The following CACNA1C variants were observed in gnomAD, a reference collection of about 807,000 sequenced individuals.
CACNA1C encodes calcium voltage-gated channel subunit alpha1 C.
In CACNA1C, 30 loss-of-function variants were observed where a neutral mutation model predicts 229.0. That is an observed-to-expected ratio of 0.13 (90% CI 0.10 to 0.18). The LOEUF (loss-of-function observed/expected upper bound fraction) is 0.18, where lower values mean the gene tolerates loss of function less well. CACNA1C is among the 10% of genes least tolerant of loss of function. The pLI, the probability that CACNA1C is intolerant of heterozygous loss-of-function variation, is 1.00. For missense variants in CACNA1C, 1,658 were observed against 2,845.0 expected, an observed-to-expected ratio of 0.58 and a Z score of 9.49; for synonymous variants, 1,114 against 1,132.5, an observed-to-expected ratio of 0.98 and a Z score of 0.33.
chr12:2,106,212 T>A (rs1230089732), intron 1 of CACNA1C, among the ~76,000 whole-genome samples: 8 of 27,398 alleles, frequency 2.9e-4, no homozygotes, highest in Admixed American at 4.2e-4. Context: ...AGCCACTGGG[T>A]GCCCACCCCG....
chr12:2,504,774 C>T lies in CACNA1C; in HGVS notation c.1114-68C>T. On this transcript the variant is annotated intron_variant, in intron 7 of 46. Coordinates refer to ENST00000399655, the MANE Select transcript of CACNA1C (RefSeq NM_000719.7). This position sits in a 1 kb window ranked among gnomAD's most constrained non-coding sequence, Gnocchi z 6.8. ...GCTGCGTGGGTCAGTGTCTCGGGAGCCGGGGACCGGCACTGGCCGTGCTCG... is the reference window on the plus strand; with the variant it reads ...GCTGCGTGGGTCAGTGTCTCGGGAGTCGGGGACCGGCACTGGCCGTGCTCG... 1 of 994,634 alleles carries T rather than the reference C, an allele frequency of 1.0e-6. No homozygotes were observed. 61.6% of individuals were successfully genotyped at this position (994,634 alleles called of 1,614,324 possible).
chr12:2,649,812 C>G lies in CACNA1C; in HGVS notation c.3945+1305C>G, dbSNP rs887349204. On this transcript the variant is annotated intron_variant, in intron 31 of 46. Transcript: ENST00000399655. This position sits in a 1 kb window ranked among gnomAD's most constrained non-coding sequence, Gnocchi z 4.4. ...GCTTGTTCTTTTTTTTCTCCTTTCT[C>G]GAACACGGTGGAACTGACAGCTGAG... Among the ~76,000 whole-genome samples the G allele has an allele frequency of 1.3e-5, 2 of 151,972 alleles. No homozygotes were observed. Among genetic ancestry groups the G allele is most frequent in the African/African-American group, 4.8e-5 (2 of 41,332 alleles).
At chr12:2,399,344 G>A (rs968848195) in intron 3 of CACNA1C, among the ~76,000 whole-genome samples, 2 of 152,182 alleles carry the variant, frequency 1.3e-5, no homozygotes, top group Non-Finnish European at 2.9e-5. Flanking sequence ...CTTGGTGCCT[G>A]GGTTCTTGTC....
Position 2,635,802 on chromosome 12 carries a change from A to G in CACNA1C, c.3912+1422A>G, listed in dbSNP as rs200596541. ...AACTGTCTTTGTCCGGTGTGTGTGT[A>G]TGTGTATGTGTGTATATGTGAGTGC... On this transcript the variant is annotated intron_variant, in intron 30 of 46. Coordinates refer to ENST00000399655, the MANE Select transcript of CACNA1C (RefSeq NM_000719.7). Among the ~76,000 whole-genome samples, 283 of 151,790 alleles carry G rather than the reference A, an allele frequency of 1.9e-3. 1 individual carries two copies. Among genetic ancestry groups the G allele is most frequent in the African/African-American group, 6.5e-3 (270 of 41,390 alleles).
chr12:2,449,509 A>C (rs540931810), intron 4 of CACNA1C, among the ~76,000 whole-genome samples: 1 of 152,284 alleles, frequency 6.6e-6, no homozygotes, highest in African/African-American at 2.4e-5. Flanking sequence ...TCACCAGTAC[A>C]TCCCTCTTCT....
intron 3 of CACNA1C, among the ~76,000 whole-genome samples, chr12:2,385,396 A>C (rs1009208542): frequency 6.6e-6 from 1 of 151,826 alleles, no homozygotes; most frequent in African/African-American, 2.4e-5. Context: ...TGAGGTGATC[A>C]GAAAACAACT....
chr12:2,352,581 G>C, intron 3 of CACNA1C, among the ~76,000 whole-genome samples: 1 of 151,952 alleles, frequency 6.6e-6, no homozygotes, highest in East Asian at 1.9e-4. Context: ...GCTGAAATTA[G>C]CACTGCATTA....
At chr12:2,214,339 A>G (rs575235255) in intron 3 of CACNA1C, among the ~76,000 whole-genome samples, 5 of 152,288 alleles carry the variant, frequency 3.3e-5, no homozygotes, top group African/African-American at 1.2e-4. Flanking sequence ...TCTCACTTGT[A>G]AATAAGGATA....
Position 2,467,158 on chromosome 12 carries a change from A to G in CACNA1C, c.757+9452A>G, listed in dbSNP as rs2099557753. 6.6e-6 allele frequency among the ~76,000 whole-genome samples: 1 copy of G among 151,784 alleles called. No individual in the cohort carries two copies. The highest frequency in any genetic ancestry group is 6.6e-5 in the Admixed American group (1 of 15,254). ...GCCCATCGGAGATGGTCCCTACAAC[A>G]TCTTCTAAGCCCTTTCCCTCCCACT... On this transcript the variant is annotated intron_variant, in intron 5 of 46. Transcript: ENST00000399655. The surrounding 1 kb of genome is among the most constrained non-coding windows in gnomAD (Gnocchi z 4.6).
intron 9 of CACNA1C, among the ~76,000 whole-genome samples, chr12:2,529,275 G>T (rs749206139): frequency 4.6e-5 from 7 of 152,040 alleles, no homozygotes; most frequent in Admixed American, 1.3e-4. Flanking sequence ...GGTCTTACCC[G>T]CTCCTTCATG....
chr12:2,274,262 C>T (rs113178421), intron 3 of CACNA1C, among the ~76,000 whole-genome samples: 5 of 152,334 alleles, frequency 3.3e-5, no homozygotes, highest in Admixed American at 6.5e-5. Flanking sequence ...ACTCCCGAGT[C>T]GTTCTCACTG....
chr12:2,558,081 C>A (rs1246229000), intron 11 of CACNA1C, among the ~76,000 whole-genome samples: 2 of 152,210 alleles, frequency 1.3e-5, no homozygotes, highest in Non-Finnish European at 2.9e-5. Flanking sequence ...GTAAATGTAG[C>A]CCAGTGCTGT....
chr12:2,317,662 A>T (rs953272628), intron 3 of CACNA1C, among the ~76,000 whole-genome samples: 11 of 152,222 alleles, frequency 7.2e-5, no homozygotes, highest in Non-Finnish European at 1.2e-4. Flanking sequence ...CACAATTTTT[A>T]AAAATAATTA....
intron 3 of CACNA1C, among the ~76,000 whole-genome samples, chr12:2,312,197 C>T (rs1402830738): frequency 6.6e-6 from 1 of 152,178 alleles, no homozygotes. Flanking sequence ...TGGCAGGGAG[C>T]ACTGAGAAAT....
chr12:2,329,750 AG>A (rs1468633235), intron 3 of CACNA1C, among the ~76,000 whole-genome samples: 1 of 152,208 alleles, frequency 6.6e-6, no homozygotes, highest in African/African-American at 2.4e-5. Flanking sequence ...AAGTAGGAAA[AG>A]GGGAATGACC....
chr12:2,058,915 T>C (rs2056350780), intron 1 of CACNA1C, among the ~76,000 whole-genome samples: 1 of 152,172 alleles, frequency 6.6e-6, no homozygotes, highest in South Asian at 2.1e-4. Flanking sequence ...GCTTATTTGC[T>C]CAAGACCAGG....
At chr12:1,972,958 C>T (rs1261087804) in intron 1 of CACNA1C, among the ~76,000 whole-genome samples, 1 of 152,214 alleles carries the variant, frequency 6.6e-6, no homozygotes, top group African/African-American at 2.4e-5. Context: ...TGCTGGCATC[C>T]ATAGATGGGA....
Position 2,415,698 on chromosome 12 carries a change from G to C in CACNA1C, c.478-33278G>C, listed in dbSNP as rs549291408. The stretch of plus-strand genomic sequence containing the variant: ...GCAGTTACAGCCCTGTGTGTTCGGG[G>C]CCTTCCTGCTTGATGTGACCAGAGC... On this transcript the variant is annotated intron_variant, in intron 3 of 46. Coordinates refer to ENST00000399655, the MANE Select transcript of CACNA1C (RefSeq NM_000719.7). Among the ~76,000 whole-genome samples, 36 of 152,236 alleles carry C rather than the reference G, an allele frequency of 2.4e-4. No homozygotes were observed. The South Asian group carries it at 7.0e-3, about 30-fold the overall frequency.
chr12:2,048,020 G>A (rs1419129278), upstream of CACNA1C, among the ~76,000 whole-genome samples: 1 of 152,228 alleles, frequency 6.6e-6, no homozygotes, highest in Non-Finnish European at 1.5e-5. Flanking sequence ...CTTTGCCCAG[G>A]CCTCAGAGTA....
Sources: gnomAD v4.1 joint callset for allele counts (sites outside exome capture counted in the v4.1 genomes callset) on GRCh38, gnomAD v4.1.1 for gene constraint, Gnocchi (gnomAD v3.1) non-coding constraint, MANE v1.5 for transcripts, NCBI Gene and HGNC (gene_info 2026-07-23, HGNC 2026-07-21) for gene names.